OLFM3: variants seen among roughly 807,000 people sequenced by gnomAD.
OLFM3 encodes noelin-3.
OLFM3 carries 20 observed loss-of-function variants against 48.6 expected under a neutral mutation model. That is an observed-to-expected ratio of 0.41 (90% CI 0.29 to 0.60). The LOEUF (loss-of-function observed/expected upper bound fraction) is 0.60, where lower values mean the gene tolerates loss of function less well. Ranked by LOEUF, OLFM3 falls within the 20% of genes least tolerant of loss-of-function variation. OLFM3 has a pLI of 0.28. For missense variants in OLFM3, 437 were observed against 544.3 expected (o/e 0.80, Z 1.96); for synonymous variants, 222 against 198.1 (o/e 1.12, Z -1.01).
rs550909001 is a variant in OLFM3, at chr1:101,809,424, C to T, written c.593-3242G>A. Among the ~76,000 whole-genome samples, 3 of 151,816 alleles carry T rather than the reference C, an allele frequency of 2.0e-5. No individual in the cohort carries two copies. In the East Asian group the frequency reaches 5.8e-4, roughly 29 times the overall value. ...GGATGCTAGAAGACAATGATGAGGG[C>T]CTTTATATTTAGGAAGAAAATCAGA... On this transcript the variant is annotated intron_variant, in intron 4 of 5. Transcript: ENST00000370103.
At chr1:101,854,041 C>T (rs1214711341) in intron 1 of OLFM3, among the ~76,000 whole-genome samples, 1 of 151,908 alleles carries the variant, frequency 6.6e-6, no homozygotes, top group Non-Finnish European at 1.5e-5. Flanking sequence ...ATAGGGGTGG[C>T]AGAAGGGACG....
At chr1:101,886,275 A>T (rs1326548562) in intron 1 of OLFM3, among the ~76,000 whole-genome samples, 2 of 152,036 alleles carry the variant, frequency 1.3e-5, no homozygotes, top group Non-Finnish European at 2.9e-5. Context: ...TGGAAAAAAA[A>T]AATAATAGAA....
At chr1:101,846,728 A>G in intron 1 of OLFM3, 1 of 694,716 alleles carries the variant, frequency 1.4e-6, no homozygotes, top group Admixed American at 2.3e-5. Flanking sequence ...TAGTTACTAC[A>G]TTTTTGAAGC....
At chr1:101,983,622 G>A (rs1661160150) in intron 1 of OLFM3, among the ~76,000 whole-genome samples, 1 of 152,174 alleles carries the variant, frequency 6.6e-6, no homozygotes, top group Admixed American at 6.5e-5. Flanking sequence ...CCTATCCCAT[G>A]TGATAATTTA....
intron 1 of OLFM3, among the ~76,000 whole-genome samples, chr1:101,906,402 T>A (rs1248059779): frequency 2.6e-5 from 4 of 152,122 alleles, no homozygotes; most frequent in Admixed American, 1.3e-4. Flanking sequence ...TTATTTCATA[T>A]CTTTTATGTT....
chr1:101,812,480 T>C, intron 4 of OLFM3: 1 of 985,406 alleles, frequency 1.0e-6, no homozygotes, highest in Non-Finnish European at 1.2e-6. Flanking sequence ...CTCAAATGTC[T>C]GCATATTTCA....
At chr1:101,937,364 C>T (rs969177696) in intron 1 of OLFM3, among the ~76,000 whole-genome samples, 1 of 152,186 alleles carries the variant, frequency 6.6e-6, no homozygotes, top group Non-Finnish European at 1.5e-5. Context: ...TCTGTTCTTT[C>T]TTCCTGAAAT....
chr1:101,933,973 T>C (rs564079416), intron 1 of OLFM3, among the ~76,000 whole-genome samples: 1 of 151,890 alleles, frequency 6.6e-6, no homozygotes, highest in Non-Finnish European at 1.5e-5. Context: ...GAGTATTTAA[T>C]ATGGAAAGGA....
intron 1 of OLFM3, among the ~76,000 whole-genome samples, chr1:101,883,386 A>C (rs557912902): frequency 1.3e-5 from 2 of 151,598 alleles, no homozygotes; most frequent in East Asian, 3.9e-4. Context: ...TCAAAAATGT[A>C]GAAATTCAGA....
chr1:101,828,935 C>T (rs1307489149), intron 3 of OLFM3, among the ~76,000 whole-genome samples: 3 of 152,116 alleles, frequency 2.0e-5, no homozygotes, highest in Admixed American at 6.6e-5. Context: ...TTCTTGATCC[C>T]CCTATAATTT....
chr1:101,928,777 T>C (rs1659355796), intron 1 of OLFM3, among the ~76,000 whole-genome samples: 5 of 152,130 alleles, frequency 3.3e-5, no homozygotes, highest in Admixed American at 3.3e-4. Context: ...AAAAACCTTT[T>C]AAGTTAGGCA....
intron 1 of OLFM3, among the ~76,000 whole-genome samples, chr1:101,960,782 A>G (rs1660444514): frequency 1.3e-5 from 2 of 152,048 alleles, no homozygotes. Flanking sequence ...GTTAACTAGA[A>G]CTCTAGAGTT....
chr1:101,837,578 C>A (rs1258544368), intron 1 of OLFM3: 1 of 151,224 alleles, frequency 6.6e-6, no homozygotes, highest in East Asian at 1.9e-4. Flanking sequence ...GCACGAAATG[C>A]AGACTCTTAG....
intron 1 of OLFM3, among the ~76,000 whole-genome samples, chr1:101,861,387 AAAG>A (rs1490917521): frequency 6.6e-6 from 1 of 152,206 alleles, no homozygotes; most frequent in Non-Finnish European, 1.5e-5. Context: ...TGTCTGTCAG[AAAG>A]AAGATGTTCA....
chr1:101,894,780 C>T (rs1329693078), intron 1 of OLFM3, among the ~76,000 whole-genome samples: 2 of 152,070 alleles, frequency 1.3e-5, no homozygotes, highest in East Asian at 3.9e-4. Context: ...TTAAACAATT[C>T]ATTCTATAAC....
chr1:101,857,090 A>G (rs1296912014), intron 1 of OLFM3, among the ~76,000 whole-genome samples: 2 of 152,000 alleles, frequency 1.3e-5, no homozygotes, highest in Non-Finnish European at 2.9e-5. Context: ...TCTTGGTCCT[A>G]TACTCCAAAA....
intron 1 of OLFM3, among the ~76,000 whole-genome samples, chr1:101,922,851 A>T (rs1173768953): frequency 6.6e-6 from 1 of 152,222 alleles, no homozygotes; most frequent in Non-Finnish European, 1.5e-5. Context: ...ATCTTGTGAA[A>T]TTAAATGGAA....
chr1:101,918,269 C>G (rs1277083585), intron 1 of OLFM3, among the ~76,000 whole-genome samples: 1 of 152,160 alleles, frequency 6.6e-6, no homozygotes, highest in Non-Finnish European at 1.5e-5. Context: ...TGTTAGTTCT[C>G]TATCGCTCCT....
intron 1 of OLFM3, among the ~76,000 whole-genome samples, chr1:101,950,076 T>C (rs1570658588): frequency 6.6e-6 from 1 of 151,772 alleles, no homozygotes; most frequent in East Asian, 1.9e-4. Flanking sequence ...CTGCAGTTTT[T>C]ACTGAGGATT....
Sources: allele counts gnomAD v4.1 joint callset (sites outside exome capture counted in the v4.1 genomes callset), GRCh38; gene constraint gnomAD v4.1.1; transcripts MANE v1.5; gene names NCBI Gene and HGNC (gene_info 2026-07-23, HGNC 2026-07-21).